LIN7A: variants seen among roughly 807,000 people sequenced by gnomAD.
LIN7A encodes the protein lin-7 cell polarity scaffold A.
Under a neutral mutation model 29.8 loss-of-function variants are expected in LIN7A, and 25 were observed. The ratio of observed to expected loss-of-function variants is 0.84; its 90% CI spans 0.61 to 1.17. LIN7A has a LOEUF of 1.17. LIN7A is among the 50% of genes most tolerant of loss of function. LIN7A has a pLI of 0.00. For synonymous variants in LIN7A, 118 were observed against 107.5 expected (o/e 1.10, Z -0.60); for missense variants, 239 against 287.0 (o/e 0.83, Z 1.21).
chr12:80,817,771 T>C (rs777585408), intron 4 of LIN7A, among the ~76,000 whole-genome samples: 1 of 152,170 alleles, frequency 6.6e-6, no homozygotes, highest in South Asian at 2.1e-4. Flanking sequence ...CTTACTCCAT[T>C]TTATAAGTCC....
At chr12:80,935,153 A>G (rs1878138637) in intron 1 of LIN7A, among the ~76,000 whole-genome samples, 1 of 152,220 alleles carries the variant, frequency 6.6e-6, no homozygotes, top group South Asian at 2.1e-4. Flanking sequence ...TGAGTCAGGG[A>G]CTATAGCAGA....
chr12:80,895,751 C>T (rs1388246252), intron 1 of LIN7A, among the ~76,000 whole-genome samples: 1 of 152,180 alleles, frequency 6.6e-6, no homozygotes, highest in Non-Finnish European at 1.5e-5. Context: ...CTTCCTCTTT[C>T]CCCTTTCTTT....
At chr12:80,905,424 C>A (rs146251967) in intron 1 of LIN7A, among the ~76,000 whole-genome samples, 60 of 152,176 alleles carry the variant, frequency 3.9e-4, no homozygotes, top group African/African-American at 9.2e-4. Context: ...ATTTTAATAG[C>A]ATTTTTGGAG....
At chr12:80,852,357 A>C (rs1401732708) in intron 2 of LIN7A, among the ~76,000 whole-genome samples, 2 of 152,134 alleles carry the variant, frequency 1.3e-5, no homozygotes, top group Non-Finnish European at 2.9e-5. Flanking sequence ...GAAAACCCTA[A>C]TTGGTACAGA....
intron 4 of LIN7A, among the ~76,000 whole-genome samples, chr12:80,829,346 A>G (rs997745419): frequency 1.3e-5 from 2 of 152,152 alleles, no homozygotes; most frequent in Admixed American, 6.5e-5. Context: ...TTGAACTATC[A>G]TGACTGAATG....
At chr12:80,824,543 C>T (rs2121524170) in intron 4 of LIN7A, among the ~76,000 whole-genome samples, 1 of 152,218 alleles carries the variant, frequency 6.6e-6, no homozygotes, top group African/African-American at 2.4e-5. Flanking sequence ...ATACCAAAAC[C>T]AGGAAAGGAC....
chr12:80,842,190 TC>T (rs1209180588), intron 4 of LIN7A: 11 of 1,167,136 alleles, frequency 9.4e-6, no homozygotes, highest in South Asian at 1.4e-5. Flanking sequence ...TTTATTGATT[TC>T]CCCCCCTTTC....
At chr12:80,842,087 T>C in intron 4 of LIN7A, 3 of 1,287,432 alleles carry the variant, frequency 2.3e-6, no homozygotes, top group South Asian at 1.2e-5. Flanking sequence ...CAATGATTGC[T>C]GAGCTGACAT....
chr12:80,859,961 G>C (rs1435441451), intron 2 of LIN7A, among the ~76,000 whole-genome samples: 1 of 151,996 alleles, frequency 6.6e-6, no homozygotes, highest in Non-Finnish European at 1.5e-5. Flanking sequence ...TATGACATGT[G>C]AGTACATATT....
At chr12:80,921,859 T>G (rs1433748396) in intron 1 of LIN7A, among the ~76,000 whole-genome samples, 1 of 152,224 alleles carries the variant, frequency 6.6e-6, no homozygotes, top group East Asian at 1.9e-4. Flanking sequence ...CACAGAATAT[T>G]TCATTCATCC....
intron 4 of LIN7A, among the ~76,000 whole-genome samples, chr12:80,823,758 A>G (rs1871929104): frequency 6.6e-6 from 1 of 152,364 alleles, no homozygotes; most frequent in African/African-American, 2.4e-5. Context: ...AAATTAAATA[A>G]TCTGCTTCTG....
intron 1 of LIN7A, among the ~76,000 whole-genome samples, chr12:80,890,384 T>C (rs1875559701): frequency 6.6e-6 from 1 of 152,118 alleles, no homozygotes; most frequent in Admixed American, 6.6e-5. Flanking sequence ...TGCCATCAGC[T>C]TATAAATTTA....
intron 5 of LIN7A, among the ~76,000 whole-genome samples, chr12:80,804,696 C>T (rs1279295664): frequency 1.3e-5 from 2 of 151,580 alleles, no homozygotes; most frequent in Non-Finnish European, 2.9e-5. Context: ...GTGTCACCAG[C>T]TCTGGCTAAT....
intron 2 of LIN7A, among the ~76,000 whole-genome samples, chr12:80,876,032 C>T (rs1218660495): frequency 6.6e-6 from 1 of 150,424 alleles, no homozygotes; most frequent in Admixed American, 6.6e-5. Context: ...TCCGTGAGTT[C>T]CTTGGTTTTA....
At chr12:80,824,768 T>C (rs1201396274) in intron 4 of LIN7A, among the ~76,000 whole-genome samples, 1 of 152,176 alleles carries the variant, frequency 6.6e-6, no homozygotes, top group Non-Finnish European at 1.5e-5. Context: ...GAAAATCACA[T>C]GATCATCTCA....
At chr12:80,842,765 G>C (rs1354732347) in intron 4 of LIN7A, among the ~76,000 whole-genome samples, 5 of 151,916 alleles carry the variant, frequency 3.3e-5, no homozygotes, top group Admixed American at 3.3e-4. Context: ...CAAGTCACTG[G>C]GTCATGAAGT....
chr12:80,858,252 A>G (rs1873699068), intron 2 of LIN7A, among the ~76,000 whole-genome samples: 1 of 152,238 alleles, frequency 6.6e-6, no homozygotes, highest in Admixed American at 6.5e-5. Context: ...TAAAAGCAGA[A>G]TAATTAGTTG....
chr12:80,829,898 C>T (rs191793871), intron 4 of LIN7A, among the ~76,000 whole-genome samples: 3 of 152,304 alleles, frequency 2.0e-5, no homozygotes, highest in Non-Finnish European at 4.4e-5. Flanking sequence ...TTAATTCTGG[C>T]CACTTCTAAA....
chr12:80,823,602 G>A (rs1430324863), intron 4 of LIN7A, among the ~76,000 whole-genome samples: 1 of 152,204 alleles, frequency 6.6e-6, no homozygotes, highest in Non-Finnish European at 1.5e-5. Context: ...CAGGATCCAG[G>A]CGAGTAGCAG....
Sources: allele counts gnomAD v4.1 joint callset (sites outside exome capture counted in the v4.1 genomes callset), GRCh38; gene constraint gnomAD v4.1.1; transcripts MANE v1.5; gene names NCBI Gene and HGNC (gene_info 2026-07-23, HGNC 2026-07-21).